ACSL1: variants seen among roughly 807,000 people sequenced by gnomAD.
ACSL1 encodes the protein acyl-CoA synthetase long chain family member 1.
Under a neutral mutation model 98.4 loss-of-function variants are expected in ACSL1, and 41 were observed. The observed-to-expected ratio is 0.42, with a 90% CI of 0.32 to 0.54. The LOEUF is 0.54. Among genes scored for constraint, ACSL1 ranks in the 20% least tolerant of loss-of-function variants. The pLI is 0.13. For synonymous variants in ACSL1, 316 were observed against 322.7 expected, an observed-to-expected ratio of 0.98 and a Z score of 0.22; for missense variants, 734 against 883.1, an observed-to-expected ratio of 0.83 and a Z score of 2.14.
Position 184,756,285 on chromosome 4 carries a change from C to G in ACSL1, c.*840G>C, listed in dbSNP as rs956771127. ...ATTCAGGCGTCACAGCTGAGCATGG[C>G]TGATCCAGGTAACTCTTTCTTGAAA... On this transcript the variant is annotated 3_prime_UTR_variant, in exon 21 of 21. Coordinates refer to ENST00000281455, the MANE Select transcript of ACSL1 (RefSeq NM_001995.5). 1 of 152,652 alleles carries G rather than the reference C, an allele frequency of 6.6e-6. No individual in the cohort carries two copies. The highest frequency in any genetic ancestry group is 2.4e-5 in the African/African-American group (1 of 41,452). The allele number at this position is 152,652 out of a possible 1,614,324, so 9.5% of individuals were successfully genotyped here.
At chr4:184,811,624 A>C (rs979573919) in intron 1 of ACSL1, among the ~76,000 whole-genome samples, 15 of 152,128 alleles carry the variant, frequency 9.9e-5, no homozygotes, top group African/African-American at 3.6e-4. Flanking sequence ...GACAGAAAGC[A>C]GCAGAGAGGT....
At chr4:184,794,657 A>G (rs1321150853) in intron 2 of ACSL1, among the ~76,000 whole-genome samples, 1 of 152,188 alleles carries the variant, frequency 6.6e-6, no homozygotes, top group Non-Finnish European at 1.5e-5. Context: ...TCCACCACAT[A>G]GTGGAGCAGA....
chr4:184,772,929 G>A (rs1185604237), intron 10 of ACSL1, 152 bp downstream of exon 10: 29 of 585,714 alleles, frequency 5.0e-5, no homozygotes, highest in Non-Finnish European at 7.6e-5. Flanking sequence ...GAGAGAAGGT[G>A]GACTTGGGCC....
chr4:184,760,501 C>A lies in ACSL1; in HGVS notation c.1639-1G>T. ...GGTCGATAATTTTCAAGGTGCCATT[C>A]TGTTGATCAGAGGGGAGGGGGTTAT... On this transcript the variant is annotated splice_acceptor_variant, in intron 17 of 20. Coordinates refer to ENST00000281455, the MANE Select transcript of ACSL1 (RefSeq NM_001995.5). LOFTEE classifies it high-confidence loss of function. The A allele has an allele frequency of 1.2e-6, 2 of 1,614,048 alleles. No individual in the cohort carries two copies. Among genetic ancestry groups the A allele is most frequent in the South Asian group, 1.1e-5 (1 of 91,058 alleles).
At position 184,757,064 on chromosome 4, in the gene ACSL1, G is replaced by C. The variant is rs201736216; in HGVS notation, c.*61C>G. On this transcript the variant is annotated 3_prime_UTR_variant, in exon 21 of 21. Coordinates refer to ENST00000281455, the MANE Select transcript of ACSL1 (RefSeq NM_001995.5). This position sits in a 1 kb window ranked among gnomAD's most constrained non-coding sequence, Gnocchi z 4.5. Reference sequence around the variant, plus strand: ...TGTATTCAAAATTAACAACATGAAGGCCATCAGCAGGAGAAGAGATTGTGG... The same window carrying C: ...TGTATTCAAAATTAACAACATGAAGCCCATCAGCAGGAGAAGAGATTGTGG... 1.2e-4 allele frequency: 186 copies of C among 1,489,152 alleles called. No homozygotes were observed. The highest frequency in any genetic ancestry group is 1.7e-4 in the Non-Finnish European group (184 of 1,104,648). 92.2% of individuals were successfully genotyped at this position (1,489,152 alleles called of 1,614,324 possible).
intron 5 of ACSL1, among the ~76,000 whole-genome samples, chr4:184,779,253 G>A (rs1201335398): frequency 2.6e-5 from 4 of 152,158 alleles, no homozygotes; most frequent in Admixed American, 2.6e-4. Flanking sequence ...TCTTTCCCAT[G>A]CTATTTTTGT....
At chr4:184,822,612 G>A (rs767056790) in intron 1 of ACSL1, among the ~76,000 whole-genome samples, 6 of 152,100 alleles carry the variant, frequency 3.9e-5, no homozygotes, top group South Asian at 2.1e-4. Context: ...AGTGATGTGC[G>A]CCTGTAGTCT....
At chr4:184,784,060 C>T (rs1263262323) in intron 3 of ACSL1, 69 bp from the exon 4 acceptor site, 1 of 1,280,392 alleles carries the variant, frequency 7.8e-7, no homozygotes, top group East Asian at 2.3e-5. Flanking sequence ...AATTTGTATC[C>T]CAACCGCACT....
At chr4:184,793,346 T>C (rs547173490) in intron 2 of ACSL1, among the ~76,000 whole-genome samples, 7 of 152,240 alleles carry the variant, frequency 4.6e-5, no homozygotes, top group African/African-American at 1.7e-4. Flanking sequence ...AAGTCCCCCT[T>C]GGGGGCAGGA....
chr4:184,762,343 A>G (rs923621886), intron 17 of ACSL1, 64 bp downstream of exon 17: 16 of 1,374,082 alleles, frequency 1.2e-5, no homozygotes, highest in Admixed American at 1.7e-5. Context: ...TGCACAGTAG[A>G]TAAGACATTT....
At chr4:184,792,940 C>A (rs1048053855) in intron 2 of ACSL1, among the ~76,000 whole-genome samples, 2 of 152,114 alleles carry the variant, frequency 1.3e-5, no homozygotes, top group Non-Finnish European at 2.9e-5. Flanking sequence ...GGTAAGTCCA[C>A]GTAGCTATTT....
At chr4:184,802,220 TA>T (rs1450885777) in intron 2 of ACSL1, among the ~76,000 whole-genome samples, 2 of 152,254 alleles carry the variant, frequency 1.3e-5, no homozygotes, top group African/African-American at 4.8e-5. Context: ...GAATCTTTTA[TA>T]TATTTTAAGA....
At chr4:184,764,709 T>C (rs1763321927) in intron 15 of ACSL1, 144 bp downstream of exon 15, 1 of 699,088 alleles carries the variant, frequency 1.4e-6, no homozygotes, top group Non-Finnish European at 2.3e-6. Flanking sequence ...ACAAGAGTGT[T>C]TGCCCCCAGA....
At chr4:184,770,373 C>G in intron 11 of ACSL1, 26 bp downstream of exon 11, 1 of 1,611,258 alleles carries the variant, frequency 6.2e-7, no homozygotes, top group Non-Finnish European at 8.5e-7. Context: ...CACAAACAAG[C>G]AAGGAAAACA....
At chr4:184,824,600 G>A (rs1461177150) in intron 1 of ACSL1, among the ~76,000 whole-genome samples, 1 of 152,176 alleles carries the variant, frequency 6.6e-6, no homozygotes, top group Non-Finnish European at 1.5e-5. Context: ...CAAATATAAG[G>A]AGGGGGGCCT....
chr4:184,755,948 A>T lies in ACSL1; in HGVS notation c.*1177T>A, dbSNP rs569216285. On this transcript the variant is annotated 3_prime_UTR_variant, in exon 21 of 21. Transcript: ENST00000281455. ...GCTGTTAATTTCCCAAATTAACTTT[A>T]AAAAATCCCTGGAGAAGTGAATCCC... The T allele has an allele frequency of 1.3e-5, 2 of 152,562 alleles. No homozygotes were observed. The highest frequency in any genetic ancestry group is 4.1e-4 in the South Asian group (2 of 4,830). 9.5% of individuals were successfully genotyped at this position (152,562 alleles called of 1,614,324 possible). A position where few individuals can be genotyped will look rare whatever the true frequency, so the allele number is the denominator to read the frequency against.
At chr4:184,824,925 T>C (rs1168318389) in intron 1 of ACSL1, among the ~76,000 whole-genome samples, 2 of 152,178 alleles carry the variant, frequency 1.3e-5, no homozygotes, top group Non-Finnish European at 2.9e-5. Context: ...CAGGTTAAGT[T>C]GTGAAATGGG....
intron 11 of ACSL1, among the ~76,000 whole-genome samples, chr4:184,769,479 C>T (rs1232214653): frequency 6.6e-6 from 1 of 152,232 alleles, no homozygotes; most frequent in Non-Finnish European, 1.5e-5. Context: ...AATTACAGCT[C>T]AGAAAGCTTT....
chr4:184,771,952 A>T (rs1052617633), intron 10 of ACSL1, among the ~76,000 whole-genome samples: 1 of 152,236 alleles, frequency 6.6e-6, no homozygotes, highest in African/African-American at 2.4e-5. Flanking sequence ...TATTAATATA[A>T]TGAGAAATCG....
Sources: allele counts gnomAD v4.1 joint callset (sites outside exome capture counted in the v4.1 genomes callset), GRCh38; gene constraint gnomAD v4.1.1; non-coding constraint Gnocchi (gnomAD v3.1); transcripts MANE v1.5; gene names NCBI Gene and HGNC (gene_info 2026-07-23, HGNC 2026-07-21).